Variants in FHIT observed in about 807,000 individuals in gnomAD.
FHIT encodes fragile histidine triad diadenosine triphosphatase.
A neutral mutation model predicts 17.9 loss-of-function variants in FHIT; 19 were observed. The observed-to-expected ratio is 1.06, with a 90% CI of 0.74 to 1.56. The LOEUF (loss-of-function observed/expected upper bound fraction) is 1.56. FHIT is among the 40% of genes most tolerant of loss of function. The pLI, the probability that FHIT is intolerant of heterozygous loss-of-function variation, is 0.00. For missense variants in FHIT, 248 were observed against 189.2 expected (o/e 1.31, Z -1.82); for synonymous variants, 81 against 69.7 (o/e 1.16, Z -0.81).
At chr3:60,700,507 T>G (rs2041221249) in intron 4 of FHIT, among the ~76,000 whole-genome samples, 1 of 152,110 alleles carries the variant, frequency 6.6e-6, no homozygotes, top group Admixed American at 6.5e-5. Flanking sequence ...ATCTCACTAT[T>G]CATGTGCTGT....
chr3:60,818,966 C>A (rs562705832), intron 4 of FHIT, among the ~76,000 whole-genome samples: 7 of 151,908 alleles, frequency 4.6e-5, no homozygotes, highest in Admixed American at 6.6e-5. Flanking sequence ...CAGCTCCCCT[C>A]CAGAATCTGT....
intron 8 of FHIT, among the ~76,000 whole-genome samples, chr3:59,819,756 G>A (rs1437950703): frequency 6.6e-6 from 1 of 152,172 alleles, no homozygotes; most frequent in African/African-American, 2.4e-5. Flanking sequence ...GGATGCTACG[G>A]TCTGAATGTA....
chr3:60,245,642 T>A (rs931286397), intron 5 of FHIT, among the ~76,000 whole-genome samples: 5 of 152,108 alleles, frequency 3.3e-5, no homozygotes, highest in African/African-American at 1.2e-4. Flanking sequence ...TTTGTAAAGA[T>A]AATCAAGCAA....
At chr3:60,804,518 A>G (rs536680280) in intron 4 of FHIT, among the ~76,000 whole-genome samples, 1 of 152,336 alleles carries the variant, frequency 6.6e-6, no homozygotes, top group East Asian at 1.9e-4. Flanking sequence ...TTCTTCATCT[A>G]TAAAGTGGAG....
intron 5 of FHIT, among the ~76,000 whole-genome samples, chr3:60,020,505 T>C (rs1432459694): frequency 6.6e-6 from 1 of 152,172 alleles, no homozygotes; most frequent in Non-Finnish European, 1.5e-5. Flanking sequence ...CCTGTGTATA[T>C]ATTAATATGA....
intron 4 of FHIT, among the ~76,000 whole-genome samples, chr3:60,552,880 C>CTG (rs1217568138): frequency 2.0e-5 from 3 of 152,174 alleles, no homozygotes; most frequent in African/African-American, 7.2e-5. Flanking sequence ...TCATGGTTAT[C>CTG]TGCATGTCTG....
chr3:60,350,168 G>A (rs1329166758), intron 5 of FHIT, among the ~76,000 whole-genome samples: 1 of 152,156 alleles, frequency 6.6e-6, no homozygotes, highest in African/African-American at 2.4e-5. Context: ...AAATAATAAT[G>A]TCAGTTGCAA....
intron 5 of FHIT, among the ~76,000 whole-genome samples, chr3:60,022,541 C>T (rs1700590821): frequency 6.6e-6 from 1 of 152,194 alleles, no homozygotes; most frequent in Non-Finnish European, 1.5e-5. Flanking sequence ...GCTGCTCTGG[C>T]AGTGAGACCC....
intron 5 of FHIT, among the ~76,000 whole-genome samples, chr3:60,454,205 T>G (rs1243982423): frequency 2.0e-5 from 3 of 151,982 alleles, no homozygotes; most frequent in African/African-American, 7.2e-5. Flanking sequence ...ATAAAGCAAC[T>G]TCAAGGAAGC....
intron 7 of FHIT, among the ~76,000 whole-genome samples, chr3:59,995,079 C>A (rs764499995): frequency 1.3e-5 from 2 of 151,990 alleles, no homozygotes; most frequent in Non-Finnish European, 2.9e-5. Flanking sequence ...CAATGAGGGT[C>A]TGGGTATGTC....
chr3:59,924,784 A>G (rs1705572457), intron 7 of FHIT, among the ~76,000 whole-genome samples: 1 of 152,130 alleles, frequency 6.6e-6, no homozygotes, highest in Admixed American at 6.5e-5. Context: ...GCCATTCTCA[A>G]TCTTCCACCT....
chr3:60,742,558 T>C (rs1553714137), intron 4 of FHIT, among the ~76,000 whole-genome samples: 1 of 152,208 alleles, frequency 6.6e-6, no homozygotes, highest in Non-Finnish European at 1.5e-5. Flanking sequence ...AGAATAATGT[T>C]CTAACACTTC....
chr3:61,055,488 A>C (rs535358473), intron 2 of FHIT, among the ~76,000 whole-genome samples: 1 of 152,322 alleles, frequency 6.6e-6, no homozygotes, highest in East Asian at 1.9e-4. Flanking sequence ...TTTTCACCAT[A>C]TGCTATCCAC....
chr3:60,320,989 C>G (rs1052900685), intron 5 of FHIT, among the ~76,000 whole-genome samples: 1 of 152,096 alleles, frequency 6.6e-6, no homozygotes, highest in African/African-American at 2.4e-5. Flanking sequence ...AATGGCAGAG[C>G]TACAAATTTT....
intron 7 of FHIT, among the ~76,000 whole-genome samples, chr3:59,971,093 C>A (rs1319583616): frequency 6.6e-6 from 1 of 151,890 alleles, no homozygotes; most frequent in Non-Finnish European, 1.5e-5. Context: ...AAATTTTTTT[C>A]TTTTTAACAC....
intron 5 of FHIT, among the ~76,000 whole-genome samples, chr3:60,175,164 C>G (rs1368852463): frequency 6.6e-6 from 1 of 152,222 alleles, no homozygotes; most frequent in African/African-American, 2.4e-5. Context: ...TAAAACACCC[C>G]TCTTTCCCCA....
chr3:61,242,409 C>A (rs1382029578), intron 1 of FHIT, among the ~76,000 whole-genome samples: 1 of 152,150 alleles, frequency 6.6e-6, no homozygotes, highest in African/African-American at 2.4e-5. Flanking sequence ...ACCAGAGAGA[C>A]TTCTTACCTG....
chr3:60,660,367 G>A (rs781886637), intron 4 of FHIT, among the ~76,000 whole-genome samples: 23 of 152,068 alleles, frequency 1.5e-4, no homozygotes, highest in Non-Finnish European at 2.9e-4. Context: ...CTGTGTGCAG[G>A]CTACTCCTGG....
intron 5 of FHIT, among the ~76,000 whole-genome samples, chr3:60,086,686 CA>C (rs1703507650): frequency 6.6e-6 from 1 of 152,192 alleles, no homozygotes; most frequent in Non-Finnish European, 1.5e-5. Context: ...CTTAAAGCTA[CA>C]AAATAATCTT....
Sources: allele counts gnomAD v4.1 joint callset (sites outside exome capture counted in the v4.1 genomes callset), GRCh38; gene constraint gnomAD v4.1.1; transcripts MANE v1.5; gene names NCBI Gene and HGNC (gene_info 2026-07-23, HGNC 2026-07-21).